The following C7 variants were observed in gnomAD, a reference collection of about 807,000 sequenced individuals.
C7 encodes complement C7, also known as complement component C7.
C7 carries 83 observed loss-of-function variants against 104.8 expected under a neutral mutation model. The ratio of observed to expected loss-of-function variants is 0.79; its 90% CI spans 0.66 to 0.95. The LOEUF is 0.95. Among genes scored for constraint, C7 ranks in the 40% least tolerant of loss-of-function variants. C7 has a pLI of 0.00. For synonymous variants in C7, 415 were observed against 360.6 expected (o/e 1.15, Z -1.71); for missense variants, 1,070 against 1,011.2 (o/e 1.06, Z -0.79).
intron 1 of C7, among the ~76,000 whole-genome samples, chr5:40,921,908 C>T (rs551613323): frequency 1.8e-4 from 27 of 151,414 alleles, no homozygotes; most frequent in Non-Finnish European, 2.7e-4. Flanking sequence ...CGTGGTGGTG[C>T]GCAACTGTAA....
intron 1 of C7, among the ~76,000 whole-genome samples, chr5:40,927,726 TA>T (rs1485630078): frequency 2.6e-5 from 4 of 152,154 alleles, no homozygotes; most frequent in African/African-American, 9.6e-5. Flanking sequence ...AAATGCAAAT[TA>T]AAATCACATT....
intron 14 of C7, among the ~76,000 whole-genome samples, chr5:40,969,875 A>G (rs1740656208): frequency 6.6e-6 from 1 of 152,080 alleles, no homozygotes; most frequent in African/African-American, 2.4e-5. Context: ...TGGACTTTCA[A>G]ACTTGCACTG....
intron 1 of C7, among the ~76,000 whole-genome samples, chr5:40,922,786 A>G (rs541113288): frequency 6.6e-6 from 1 of 152,332 alleles, no homozygotes; most frequent in Non-Finnish European, 1.5e-5. Context: ...ATTTATAAGA[A>G]TAAAACTAGA....
rs945255634 is a variant in C7, at chr5:40,981,066, G to T, written c.2351-326G>T. Among the ~76,000 whole-genome samples, 57 of 152,050 alleles carry T rather than the reference G, an allele frequency of 3.7e-4. 1 individual carries two copies. The highest frequency in any genetic ancestry group is 1.3e-3 in the African/African-American group (54 of 41,386). ...GTCTTGACTTGGTTCTTTGTTGAGG[G>T]CTTCTCATTTGACCTCAGTTGCTGG... is the stretch of plus-strand genomic sequence containing the variant. On this transcript the variant is annotated intron_variant, in intron 17 of 17. Transcript: ENST00000313164.
intron 17 of C7, among the ~76,000 whole-genome samples, chr5:40,980,576 C>T (rs1364285866): frequency 5.9e-5 from 9 of 152,220 alleles, no homozygotes; most frequent in African/African-American, 1.9e-4. Flanking sequence ...CCCAAGAGCA[C>T]AGCAAACCTC....
intron 10 of C7, among the ~76,000 whole-genome samples, chr5:40,956,287 C>T (rs1303340307): frequency 2.0e-5 from 3 of 152,142 alleles, no homozygotes; most frequent in African/African-American, 4.8e-5. Context: ...GGAAGGTTTA[C>T]GGCTTGTGAG....
intron 6 of C7, among the ~76,000 whole-genome samples, chr5:40,942,384 G>A (rs764171991): frequency 1.3e-5 from 2 of 152,116 alleles, no homozygotes; most frequent in Non-Finnish European, 2.9e-5. Flanking sequence ...CAGAGAGAAT[G>A]CAATACAGAG....
intron 8 of C7, among the ~76,000 whole-genome samples, chr5:40,948,566 A>G (rs1447690153): frequency 6.6e-6 from 1 of 152,160 alleles, no homozygotes; most frequent in Non-Finnish European, 1.5e-5. Context: ...TTTTGGTTAG[A>G]ATCAGGACAT....
Position 40,928,594 on chromosome 5 carries a change from C to A in C7, c.21C>A (p.Phe7Leu), listed in dbSNP as rs865977092. The change falls in exon 2 of 18, where the codon TTC becomes TTA. Residue 7 changes from phenylalanine to leucine, a missense_variant. By Grantham distance (22) the Phe-to-Leu change is conservative. Transcript: ENST00000313164. ...TTCTTCTCCAGGTGATAAGCTTATT[C>A]ATTTTGGTGGGATTTATAGGAGAGT... Reference protein sequence around the residue: MKVISLFILVGFIGEFQ... With the variant: MKVISLLILVGFIGEFQ... 1.3e-6 allele frequency: 2 copies of A among 1,544,086 alleles called. No homozygotes were observed. The highest frequency in any genetic ancestry group is 1.9e-5 in the Admixed American group (1 of 51,990).
At chr5:40,963,025 C>T (rs983028760) in intron 13 of C7, among the ~76,000 whole-genome samples, 1 of 152,230 alleles carries the variant, frequency 6.6e-6, no homozygotes, top group Non-Finnish European at 1.5e-5. Context: ...AGCATCTCTA[C>T]CACCCATTCT....
intron 10 of C7, among the ~76,000 whole-genome samples, chr5:40,957,758 G>T (rs982647344): frequency 3.6e-5 from 2 of 55,634 alleles, no homozygotes; most frequent in Admixed American, 1.9e-4. Flanking sequence ...GCCTGGGCTG[G>T]TTTTTTTTTG....
At chr5:40,978,147 A>AG (rs1740858325) in intron 16 of C7, among the ~76,000 whole-genome samples, 1 of 150,358 alleles carries the variant, frequency 6.7e-6, no homozygotes, top group African/African-American at 2.5e-5. Context: ...AAAGAAAAAA[A>AG]AAAAAAAAAA....
At chr5:40,962,969 A>AGT (rs767877692) in intron 13 of C7, among the ~76,000 whole-genome samples, 29 of 152,060 alleles carry the variant, frequency 1.9e-4, no homozygotes, top group Admixed American at 1.2e-3. Context: ...TGTTCACGCA[A>AGT]GTGTGTGTGT....
intron 14 of C7, among the ~76,000 whole-genome samples, chr5:40,970,230 GAATA>G (rs1740669754): frequency 6.6e-6 from 1 of 152,150 alleles, no homozygotes; most frequent in Non-Finnish European, 1.5e-5. Context: ...GTTTTTGAAT[GAATA>G]AATGAATGAA....
chr5:40,934,049 A>AT (rs35211171), intron 3 of C7, among the ~76,000 whole-genome samples: 3,376 of 139,292 alleles, frequency 0.024, 91 homozygotes, highest in East Asian at 0.12. Flanking sequence ...CACTAACATC[A>AT]TTTTTTTTTT....
chr5:40,921,498 A>G (rs1421245602), intron 1 of C7, among the ~76,000 whole-genome samples: 1 of 152,132 alleles, frequency 6.6e-6, no homozygotes, highest in South Asian at 2.1e-4. Context: ...GTAGCTAAAG[A>G]AATTCTGAAT....
At chr5:40,934,916 A>G (rs1026589633) in intron 4 of C7, among the ~76,000 whole-genome samples, 1 of 152,218 alleles carries the variant, frequency 6.6e-6, no homozygotes, top group Non-Finnish European at 1.5e-5. Flanking sequence ...TTTGGCATAG[A>G]ATATTATTTG....
chr5:40,981,802 G>A lies in C7; in HGVS notation c.*229G>A. ...CAGTAAGGATATGAGCCTTTGCACA[G>A]GCTGGCTGCGTGTTCTTGAAATAGG... On this transcript the variant is annotated 3_prime_UTR_variant, in exon 18 of 18. Transcript: ENST00000313164. The A allele has an allele frequency of 2.5e-6, 1 of 395,934 alleles. No individual in the cohort carries two copies. Among genetic ancestry groups the A allele is most frequent in the South Asian group, 7.7e-5 (1 of 12,968 alleles). The allele number at this position is 395,934 out of a possible 1,614,324, so 24.5% of individuals were successfully genotyped here.
intron 1 of C7, among the ~76,000 whole-genome samples, chr5:40,927,299 G>GA: frequency 6.6e-6 from 1 of 151,808 alleles, no homozygotes; most frequent in Non-Finnish European, 1.5e-5. Context: ...AAAATTAATT[G>GA]AAAAAAATCT....
Sources: gnomAD v4.1 joint callset for allele counts (sites outside exome capture counted in the v4.1 genomes callset) on GRCh38, gnomAD v4.1.1 for gene constraint, MANE v1.5 for transcripts, NCBI Gene and HGNC (gene_info 2026-07-23, HGNC 2026-07-21) for gene names.